OR4K1: variants seen among roughly 807,000 people sequenced by gnomAD.
OR4K1 encodes olfactory receptor 4K1.
In OR4K1, 16 loss-of-function variants were observed where a neutral mutation model predicts 14.4. The observed-to-expected ratio is 1.11, with a 90% CI of 0.75 to 1.68. The LOEUF is 1.68. OR4K1 is among the 40% of genes most tolerant of loss of function. The probability of loss-of-function intolerance (pLI) is 0.00; values close to 1 mark genes in which losing one functional copy is unlikely to be tolerated. For synonymous variants in OR4K1, 181 were observed against 133.1 expected, an observed-to-expected ratio of 1.36 and a Z score of -2.48; for missense variants, 548 against 376.9, an observed-to-expected ratio of 1.45 and a Z score of -3.76.
In OR4K1 at chr14:19,935,958, A is replaced by G. The variant is rs536055764; in HGVS notation, c.292A>G (p.Met98Val). ...CAAGACTATCTCCTTTGAGGGTTGC[A>G]TGGCCCAGATATTCGTTCTTCACAG... ...ERKTISFEGC[M>V]AQIFVLHSFV... is the part of the protein sequence containing the mutation. Residue 98 changes from methionine to valine, a missense_variant, in exon 2 of 2, where the codon ATG (methionine) becomes GTG (valine). Met to Val is a conservative substitution (Grantham distance 21). Transcript: ENST00000641172. The G allele has an allele frequency of 1.9e-6, 3 of 1,614,218 alleles. No individual in the cohort carries two copies. Among genetic ancestry groups the G allele is most frequent in the Admixed American group, 1.7e-5 (1 of 60,020 alleles).
the OR4K1 span, among the ~76,000 whole-genome samples, chr14:19,922,582 C>T: frequency 3.4e-5 from 5 of 147,520 alleles, no homozygotes; most frequent in African/African-American, 1.2e-4. Flanking sequence ...TCCTTTAGGC[C>T]TATGGTATTT....
the OR4K1 span, among the ~76,000 whole-genome samples, chr14:19,922,069 T>TA: frequency 7.8e-6 from 1 of 128,436 alleles, no homozygotes; most frequent in South Asian, 2.5e-4. Flanking sequence ...GTTATGAGAC[T>TA]CCCCCCCCCA....
the OR4K1 span, among the ~76,000 whole-genome samples, chr14:19,922,822 C>T: frequency 2.0e-5 from 3 of 152,134 alleles, no homozygotes; most frequent in Admixed American, 2.0e-4. Context: ...ATGATCTGTT[C>T]CCCATCACTC....
chr14:19,932,660 T>A (rs965914238), intron 1 of OR4K1, among the ~76,000 whole-genome samples: 7 of 152,164 alleles, frequency 4.6e-5, no homozygotes, highest in African/African-American at 1.7e-4. Context: ...ACTGTAGGAG[T>A]CATTACTACA....
At chr14:19,929,323 AATAAT>A (rs369557511), upstream of OR4K1, among the ~76,000 whole-genome samples, 3 of 149,748 alleles carry the variant, frequency 2.0e-5, no homozygotes, top group Non-Finnish European at 4.4e-5. Flanking sequence ...ATATAATTAA[AATAAT>A]ATAATATGTG....
chr14:19,920,577 T>A, the OR4K1 span: 1 of 1,568,408 alleles, frequency 6.4e-7, no homozygotes, highest in Non-Finnish European at 8.6e-7. Context: ...CCTTTAGAGT[T>A]GTTTCAGAAC....
upstream of OR4K1, among the ~76,000 whole-genome samples, chr14:19,927,753 T>C (rs1294314574): frequency 6.6e-6 from 1 of 152,230 alleles, no homozygotes; most frequent in East Asian, 1.9e-4. Flanking sequence ...GGTAGTGATT[T>C]GTCTTTATTG....
the OR4K1 span, chr14:19,921,145 A>G: frequency 1.2e-6 from 2 of 1,613,988 alleles, no homozygotes; most frequent in Non-Finnish European, 1.7e-6. Flanking sequence ...TTTTTTTGTG[A>G]TCTTCCTCGA....
intron 1 of OR4K1, among the ~76,000 whole-genome samples, chr14:19,931,978 C>G (rs567178942): frequency 6.6e-6 from 1 of 152,264 alleles, no homozygotes; most frequent in East Asian, 1.9e-4. Flanking sequence ...CAGCAAGTAG[C>G]AAATGTTATT....
intron 1 of OR4K1, among the ~76,000 whole-genome samples, chr14:19,931,992 C>T (rs982232585): frequency 6.6e-6 from 1 of 152,128 alleles, no homozygotes; most frequent in Non-Finnish European, 1.5e-5. Flanking sequence ...TGTTATTTGT[C>T]TATACTATTG....
chr14:19,921,594 A>G, the OR4K1 span: 3 of 1,599,330 alleles, frequency 1.9e-6, no homozygotes, highest in East Asian at 2.2e-5. Flanking sequence ...AACTCCTTCA[A>G]ATTCCTCAGG....
rs767965804 is a variant in OR4K1 at position 19,936,491 on chromosome 14, C to T, written c.825C>T (p.Tyr275=). The T allele has an allele frequency of 3.1e-6, 5 of 1,613,964 alleles. No individual in the cohort carries two copies. The highest frequency in any genetic ancestry group is 4.2e-6 in the Non-Finnish European group (5 of 1,180,024). ...TGGACAAATTTCTTTCTGTGTTCTA[C>T]ACTGTTTGTACTCCCTTGTTGAACC... The part of the protein sequence containing the change: ...LPVDKFLSVF[Y]TVCTPLLNPI... The change falls in exon 2 of 2, where the codon TAC becomes TAT. Residue 275 remains tyrosine (Y), a synonymous_variant. Transcript: ENST00000641172.
At chr14:19,920,718 A>T in the OR4K1 span, 1 of 1,613,964 alleles carries the variant, frequency 6.2e-7, no homozygotes, top group African/African-American at 1.3e-5. Context: ...GTATACAGTC[A>T]TTGTGCTGGG....
upstream of OR4K1, among the ~76,000 whole-genome samples, chr14:19,928,084 A>C (rs998851612): frequency 6.6e-6 from 1 of 152,216 alleles, no homozygotes; most frequent in Non-Finnish European, 1.5e-5. Context: ...GAGATGGTGA[A>C]CTCCAAAATG....
chr14:19,923,692 A>G, the OR4K1 span, among the ~76,000 whole-genome samples: 1 of 152,240 alleles, frequency 6.6e-6, no homozygotes, highest in Non-Finnish European at 1.5e-5. Flanking sequence ...AGAAAATTAT[A>G]AAATTTAACA....
At chr14:19,921,122 T>G in the OR4K1 span, 3 of 1,614,218 alleles carry the variant, frequency 1.9e-6, no homozygotes, top group South Asian at 1.1e-5. Flanking sequence ...GTGGACCTAA[T>G]GTAGTAGACA....
the OR4K1 span, among the ~76,000 whole-genome samples, chr14:19,922,075 C>A: frequency 7.7e-6 from 1 of 129,816 alleles, no homozygotes; most frequent in East Asian, 2.0e-4. Flanking sequence ...AGACTCCCCC[C>A]CCCAAAAATC....
At position 19,935,752 on chromosome 14, in the gene OR4K1, C is replaced by T. The variant is rs1228523140; in HGVS notation, c.86C>T (p.Ala29Val). 4 of 1,613,338 alleles carry T rather than the reference C, an allele frequency of 2.5e-6. No individual in the cohort carries two copies. The highest frequency in any genetic ancestry group is 1.7e-5 in the Admixed American group (1 of 59,858). ...NSWGLQLFFF[A>V]IFSIVYVTSV... is the part of the protein sequence containing the mutation. The stretch of plus-strand genomic sequence containing the variant: ...TGGGGACTTCAACTTTTCTTTTTTG[C>T]CATCTTCTCTATAGTCTATGTGACA... The change falls in exon 2 of 2, where the codon GCC (alanine) becomes GTC (valine). Residue 29 changes from alanine (A) to valine (V), a missense_variant. Coordinates refer to ENST00000641172, the MANE Select transcript of OR4K1 (RefSeq NM_001004063.3).
intron 1 of OR4K1, among the ~76,000 whole-genome samples, chr14:19,931,810 A>G (rs971554377): frequency 6.6e-6 from 1 of 152,240 alleles, no homozygotes; most frequent in Non-Finnish European, 1.5e-5. Context: ...GAATGATTCA[A>G]TAATGAAGAA....
Sources: gnomAD v4.1 joint callset for allele counts (sites outside exome capture counted in the v4.1 genomes callset) on GRCh38, gnomAD v4.1.1 for gene constraint, MANE v1.5 for transcripts, NCBI Gene and HGNC (gene_info 2026-07-23, HGNC 2026-07-21) for gene names.